Variants in SIRT1 observed in about 807,000 individuals in gnomAD.
SIRT1 encodes the protein sirtuin 1.
A neutral mutation model predicts 67.9 loss-of-function variants in SIRT1; 24 were observed. The observed-to-expected ratio is 0.35, with a 90% CI of 0.26 to 0.50. The LOEUF is 0.50. Among genes scored for constraint, SIRT1 ranks in the 20% least tolerant of loss-of-function variants. SIRT1 has a pLI of 0.98. For missense variants in SIRT1, 873 were observed against 937.2 expected (o/e 0.93, Z 0.89); for synonymous variants, 378 against 350.7 (o/e 1.08, Z -0.87).
At chr10:67,911,800 C>G (rs1184208244) in intron 7 of SIRT1, among the ~76,000 whole-genome samples, 6 of 128,402 alleles carry the variant, frequency 4.7e-5, no homozygotes, top group Non-Finnish European at 9.9e-5. Flanking sequence ...CCCTCCTATC[C>G]TCCCTCCCTC....
At chr10:67,899,309 A>G (rs1399445028) in intron 4 of SIRT1, among the ~76,000 whole-genome samples, 2 of 151,406 alleles carry the variant, frequency 1.3e-5, no homozygotes, top group Non-Finnish European at 2.9e-5. Flanking sequence ...TAGCATTAAA[A>G]AAAAAGTTAT....
At position 67,914,718 on chromosome 10, in the gene SIRT1, A is replaced by G. The variant is rs756265796; in HGVS notation, c.1916-1547A>G. Reference sequence around the variant, plus strand: ...CAGTCATTTTTTTTTAAATTTATTTATTTTTTGAGACGGAGTTTTGCTCTT... The same window carrying G: ...CAGTCATTTTTTTTTAAATTTATTTGTTTTTTGAGACGGAGTTTTGCTCTT... On this transcript the variant is annotated intron_variant, in intron 8 of 8. Coordinates refer to ENST00000212015, the MANE Select transcript of SIRT1 (RefSeq NM_012238.5). Among the ~76,000 whole-genome samples the G allele has an allele frequency of 1.4e-4, 22 of 151,834 alleles. No individual in the cohort carries two copies. In the South Asian group the frequency reaches 2.1e-3, roughly 14 times the overall value.
At chr10:67,907,344 A>T (rs1229684497) in intron 5 of SIRT1, among the ~76,000 whole-genome samples, 1 of 152,000 alleles carries the variant, frequency 6.6e-6, no homozygotes, top group African/African-American at 2.4e-5. Context: ...GAAATACTAA[A>T]ATTAGCCGGG....
chr10:67,888,208 C>G (rs1010951975), intron 2 of SIRT1, among the ~76,000 whole-genome samples: 3 of 152,160 alleles, frequency 2.0e-5, no homozygotes, highest in African/African-American at 7.2e-5. Flanking sequence ...AAAGGTATAA[C>G]CATCTTGAAA....
rs1258853759 is a variant in SIRT1, at chr10:67,916,351, T to C, written c.2002T>C (p.Ser668Pro). The C allele has an allele frequency of 6.2e-7, 1 of 1,614,196 alleles. No homozygotes were observed. Among genetic ancestry groups the C allele is most frequent in the Admixed American group, 1.7e-5 (1 of 60,014 alleles). The change falls in exon 9 of 9, where the codon TCT becomes CCT. Residue 668 changes from serine (S) to proline (P), a missense_variant. Physicochemically the swap from Ser to Pro is moderately conservative, Grantham distance 74. Around this residue, in one of 3 missense-constraint regions of SIRT1, gnomAD observed 295 missense variants for 294.5 expected, o/e 1.00. Coordinates refer to ENST00000212015, the MANE Select transcript of SIRT1 (RefSeq NM_012238.5). ...YSDSEDDVLS[S>P]SSCGSNSDSG... ...AGACTCTGAAGATGACGTCTTATCC[T>C]CTAGTTCTTGTGGCAGTAACAGTGA...
At chr10:67,904,138 T>G (rs1424487709) in intron 4 of SIRT1, among the ~76,000 whole-genome samples, 78 of 150,368 alleles carry the variant, frequency 5.2e-4, no homozygotes, top group African/African-American at 1.3e-3. Flanking sequence ...TTTTTTTTTT[T>G]TTTTTTTTTA....
chr10:67,895,119 TA>T (rs1348761895), intron 4 of SIRT1, among the ~76,000 whole-genome samples: 1 of 150,466 alleles, frequency 6.6e-6, no homozygotes, highest in African/African-American at 2.4e-5. Flanking sequence ...GGGAACTGAC[TA>T]AAAAAAGAAA....
intron 8 of SIRT1, 111 bp downstream of exon 8, chr10:67,913,142 T>G (rs1488890487): frequency 2.8e-6 from 3 of 1,080,372 alleles, no homozygotes; most frequent in Non-Finnish European, 3.9e-6. Flanking sequence ...TAGTTGATTC[T>G]GTTTAGAGAA....
chr10:67,891,598 A>G, intron 4 of SIRT1, 44 bp downstream of exon 4: 12 of 1,600,460 alleles, frequency 7.5e-6, no homozygotes, highest in Non-Finnish European at 1.0e-5. Flanking sequence ...TTCTCTCATG[A>G]AAAAGTATTT....
At chr10:67,905,516 G>A (rs527719334) in intron 4 of SIRT1, among the ~76,000 whole-genome samples, 40 of 152,270 alleles carry the variant, frequency 2.6e-4, no homozygotes, top group Non-Finnish European at 4.7e-4. Context: ...ATTCACTTAA[G>A]TTTTACTTAG....
intron 1 of SIRT1, among the ~76,000 whole-genome samples, chr10:67,886,090 C>T (rs1452890131): frequency 2.6e-5 from 4 of 151,594 alleles, no homozygotes; most frequent in Admixed American, 6.6e-5. Context: ...CTACAGACAC[C>T]CGCCACCACG....
Position 67,916,646 on chromosome 10 carries a change from C to A in SIRT1, c.*53C>A. 6.9e-7 allele frequency: 1 copy of A among 1,451,300 alleles called. No individual in the cohort carries two copies. Among genetic ancestry groups the A allele is most frequent in the African/African-American group, 1.4e-5 (1 of 70,704 alleles). 89.9% of individuals were successfully genotyped at this position (1,451,300 alleles called of 1,614,324 possible). On this transcript the variant is annotated 3_prime_UTR_variant, in exon 9 of 9. Coordinates refer to ENST00000212015, the MANE Select transcript of SIRT1 (RefSeq NM_012238.5). ...GTTCCACCAGCATTAGGAACTTTAG[C>A]ATGTCAAAATGAATGTTTACTTGTG...
At position 67,884,690 on chromosome 10, in the gene SIRT1, C is replaced by T. The variant is rs199849139; in HGVS notation, c.-32C>T. ...GCGCGTCGAGCGGGAGCAGAGGAGGCGAGGGAGGAGGGCCAGAGAGGCAGT... is the reference window on the plus strand; with the variant it reads ...GCGCGTCGAGCGGGAGCAGAGGAGGTGAGGGAGGAGGGCCAGAGAGGCAGT... On this transcript the variant is annotated 5_prime_UTR_variant, in exon 1 of 9. Coordinates refer to ENST00000212015, the MANE Select transcript of SIRT1 (RefSeq NM_012238.5). The T allele has an allele frequency of 7.3e-6, 9 of 1,226,880 alleles. No homozygotes were observed. The highest frequency in any genetic ancestry group is 6.2e-5 in the African/African-American group (4 of 64,082). 76.0% of individuals were successfully genotyped at this position (1,226,880 alleles called of 1,614,324 possible).
intron 4 of SIRT1, among the ~76,000 whole-genome samples, chr10:67,901,664 C>T (rs1283987428): frequency 6.6e-6 from 1 of 152,200 alleles, no homozygotes; most frequent in Admixed American, 6.5e-5. Flanking sequence ...GTGGTACATA[C>T]TAAAATTTAT....
intron 6 of SIRT1, 133 bp from the exon 7 acceptor site, chr10:67,909,123 T>A (rs1842862542): frequency 1.6e-6 from 1 of 608,838 alleles, no homozygotes; most frequent in Non-Finnish European, 2.8e-6. Context: ...TTGCTGTTTA[T>A]CCATAGCTTT....
At chr10:67,899,523 G>A (rs1842709546) in intron 4 of SIRT1, among the ~76,000 whole-genome samples, 1 of 151,898 alleles carries the variant, frequency 6.6e-6, no homozygotes, top group African/African-American at 2.4e-5. Flanking sequence ...TGTTGGGATA[G>A]GGGAGGGATG....
At position 67,884,910 on chromosome 10, in the gene SIRT1, G is replaced by T. The variant is rs1842449814; in HGVS notation, c.189G>T (p.Ala63=). The stretch of plus-strand genomic sequence containing the variant: ...CCCCAGAGCGTGAGGTGCCGGCGGC[G>T]GCCAGGGGCTGCCCGGGTGCGGCGG... ...GAAPEREVPA[A]ARGCPGAAAA... is the part of the protein sequence containing the mutation. The change falls in exon 1 of 9, where the codon GCG becomes GCT. Residue 63 remains alanine (A), a synonymous_variant. Coordinates refer to ENST00000212015, the MANE Select transcript of SIRT1 (RefSeq NM_012238.5). 2 of 1,224,878 alleles carry T rather than the reference G, an allele frequency of 1.6e-6. No individual in the cohort carries two copies. The highest frequency in any genetic ancestry group is 3.1e-4 in the Middle Eastern group (1 of 3,254). 75.9% of individuals were successfully genotyped at this position (1,224,878 alleles called of 1,614,324 possible).
intron 4 of SIRT1, among the ~76,000 whole-genome samples, chr10:67,899,379 G>C (rs1008872562): frequency 6.6e-6 from 1 of 151,212 alleles, no homozygotes; most frequent in Non-Finnish European, 1.5e-5. Context: ...ACCCAGACGT[G>C]TGCAGTATCT....
intron 7 of SIRT1, among the ~76,000 whole-genome samples, chr10:67,910,058 A>T (rs921170092): frequency 6.6e-6 from 1 of 151,764 alleles, no homozygotes; most frequent in South Asian, 2.1e-4. Context: ...GGTGAATCTG[A>T]CATTTTGATG....
Sources: allele counts gnomAD v4.1 joint callset (sites outside exome capture counted in the v4.1 genomes callset), GRCh38; gene constraint gnomAD v4.1.1; regional missense constraint gnomAD v4.1.1; transcripts MANE v1.5; gene names NCBI Gene and HGNC (gene_info 2026-07-23, HGNC 2026-07-21).